NUP210: variants seen among roughly 807,000 people sequenced by gnomAD.
NUP210 encodes nuclear pore membrane glycoprotein 210.
Under a neutral mutation model 196.0 loss-of-function variants are expected in NUP210, and 151 were observed. The ratio of observed to expected loss-of-function variants is 0.77; its 90% CI spans 0.67 to 0.88. The LOEUF (loss-of-function observed/expected upper bound fraction) is 0.88. Ranked by LOEUF, NUP210 falls within the 40% of genes least tolerant of loss-of-function variation. The pLI is 0.00. For missense variants in NUP210, 2,314 were observed against 2,493.7 expected, an observed-to-expected ratio of 0.93 and a Z score of 1.53; for synonymous variants, 1,070 against 1,052.7, an observed-to-expected ratio of 1.02 and a Z score of -0.32.
At chr3:13,405,346 C>T (rs1236094144) in intron 1 of NUP210, among the ~76,000 whole-genome samples, 1 of 152,146 alleles carries the variant, frequency 6.6e-6, no homozygotes, top group Non-Finnish European at 1.5e-5. Flanking sequence ...GAAACATAGG[C>T]TCTTCTGGGT....
rs774930083 is a variant in NUP210, at chr3:13,321,849, G to A, written c.4916-14C>T. The A allele has an allele frequency of 3.1e-6, 5 of 1,599,982 alleles. No homozygotes were observed. The East Asian group carries it at 1.1e-4, about 36-fold the overall frequency. On this transcript the variant is annotated splice_polypyrimidine_tract_variant and intron_variant, in intron 35 of 39. Coordinates refer to ENST00000254508, the MANE Select transcript of NUP210 (RefSeq NM_024923.4). ...AGAAGTACTGGCCTGCGAAGACAAG[G>A]GTGTATTGTCTTGTCCCCTCTCCTG... is the stretch of plus-strand genomic sequence containing the variant.
At chr3:13,358,562 C>T (rs1698266850) in intron 15 of NUP210, among the ~76,000 whole-genome samples, 167 bp from the exon 16 acceptor site, 1 of 152,120 alleles carries the variant, frequency 6.6e-6, no homozygotes, top group Admixed American at 6.5e-5. Context: ...CAGTGGCACA[C>T]AGGTGGGAAT....
Position 13,378,831 on chromosome 3 carries a change from C to T in NUP210, c.1045+81G>A. 1.9e-6 allele frequency: 2 copies of T among 1,032,606 alleles called. 1 individual carries two copies. Among genetic ancestry groups the T allele is most frequent in the South Asian group, 2.6e-5 (2 of 78,046 alleles). 64.0% of individuals were successfully genotyped at this position (1,032,606 alleles called of 1,614,324 possible). On this transcript the variant is annotated intron_variant, in intron 8 of 39. Transcript: ENST00000254508. The stretch of plus-strand genomic sequence containing the variant: ...CCAGAGGGAAGCATTTTCTGTGGAG[C>T]TATTGCTTCTTTTCTATTTTTTAAA...
chr3:13,358,607 G>C (rs1480124465), intron 15 of NUP210, among the ~76,000 whole-genome samples: 3 of 152,156 alleles, frequency 2.0e-5, no homozygotes, highest in Non-Finnish European at 4.4e-5. Context: ...TCTCAGATGG[G>C]AGCCCATGTG....
chr3:13,338,047 C>A (rs1697298131), intron 25 of NUP210, 130 bp from the exon 26 acceptor site: 4 of 775,960 alleles, frequency 5.2e-6, no homozygotes, highest in Non-Finnish European at 6.2e-6. Context: ...GGATGACCAG[C>A]ACCATGCTCC....
intron 14 of NUP210, among the ~76,000 whole-genome samples, chr3:13,365,349 G>T (rs1263396402): frequency 1.3e-5 from 2 of 152,202 alleles, no homozygotes; most frequent in Admixed American, 1.3e-4. Context: ...GGGAATGTAA[G>T]GCCCAAGAGT....
At chr3:13,363,706 C>CT (rs1698441105) in intron 14 of NUP210, among the ~76,000 whole-genome samples, 4 of 152,202 alleles carry the variant, frequency 2.6e-5, no homozygotes, top group African/African-American at 9.7e-5. Flanking sequence ...CTGATCTTAC[C>CT]TGCTAACTAG....
At chr3:13,332,444 G>A (rs1174832553) in intron 28 of NUP210, 60 bp from the exon 29 acceptor site, 31 of 1,310,376 alleles carry the variant, frequency 2.4e-5, no homozygotes, top group Admixed American at 3.4e-5. Flanking sequence ...CAGGCCAGAT[G>A]TCTGCTTCTC....
chr3:13,318,654 A>G (rs983037920), intron 39 of NUP210, among the ~76,000 whole-genome samples: 2 of 152,024 alleles, frequency 1.3e-5, no homozygotes, highest in Admixed American at 1.3e-4. Flanking sequence ...GTCACCAGAG[A>G]GACAGTTAGA....
chr3:13,375,433 G>A (rs1268942957), intron 11 of NUP210, 71 bp downstream of exon 11: 12 of 1,439,076 alleles, frequency 8.3e-6, no homozygotes, highest in African/African-American at 7.1e-5. Context: ...AAAAGTAATA[G>A]AATGGACAAA....
intron 27 of NUP210, 28 bp from the exon 28 acceptor site, chr3:13,335,640 G>A: frequency 6.2e-7 from 1 of 1,611,590 alleles, no homozygotes; most frequent in Non-Finnish European, 8.5e-7. Context: ...ACGTTTTCAG[G>A]GGTAAGGCCC....
intron 29 of NUP210, among the ~76,000 whole-genome samples, chr3:13,331,784 C>A (rs1259290037): frequency 6.6e-6 from 1 of 152,140 alleles, no homozygotes; most frequent in Admixed American, 6.5e-5. Flanking sequence ...GAAAGGCATC[C>A]CCTTGGAATC....
chr3:13,355,741 T>C (rs1198999229), intron 16 of NUP210, among the ~76,000 whole-genome samples: 2 of 152,186 alleles, frequency 1.3e-5, no homozygotes, highest in Non-Finnish European at 2.9e-5. Context: ...GTCTCATCAT[T>C]ATTCATAATA....
In NUP210 at chr3:13,353,654, T is replaced by C. The variant is rs1277467333; in HGVS notation, c.2528A>G (p.Gln843Arg). 8 of 1,613,884 alleles carry C rather than the reference T, an allele frequency of 5.0e-6. No homozygotes were observed. The Admixed American group carries it at 1.3e-4, about 27-fold the overall frequency. ...ESGQKKLHGL[Q>R]AILVHEASGT... The stretch of plus-strand genomic sequence containing the variant: ...TGATGCCTCGTGAACCAAAATGGCC[T>C]GCAAACCTGAGACCAGGAAGAAGGA... The change falls in exon 18 of 40, where the codon CAG becomes CGG. Residue 843 changes from glutamine to arginine, a missense_variant. Coordinates refer to ENST00000254508, the MANE Select transcript of NUP210 (RefSeq NM_024923.4).
chr3:13,326,152 C>T (rs545817664), intron 32 of NUP210, among the ~76,000 whole-genome samples: 5 of 152,368 alleles, frequency 3.3e-5, no homozygotes, highest in East Asian at 1.9e-4. Context: ...CTGCTGCACC[C>T]GCCCTCTACA....
At chr3:13,395,387 G>T (rs756223622) in intron 3 of NUP210, among the ~76,000 whole-genome samples, 1 of 152,148 alleles carries the variant, frequency 6.6e-6, no homozygotes, top group Non-Finnish European at 1.5e-5. Context: ...GTGCCATCTC[G>T]GCTCACTGCA....
intron 16 of NUP210, chr3:13,354,613 CGGTGCCTCTAGGAT>C (rs1422952273): frequency 1.9e-5 from 3 of 157,698 alleles, no homozygotes; most frequent in African/African-American, 7.2e-5. Flanking sequence ...AGGCACATGT[CGGTGCCTCTAGGAT>C]GGCCCCACTA....
intron 10 of NUP210, 84 bp from the exon 11 acceptor site, chr3:13,375,725 C>A: frequency 6.9e-7 from 1 of 1,453,622 alleles, no homozygotes; most frequent in South Asian, 1.2e-5. Context: ...CCACCCCTCC[C>A]TGGGGATCGG....
At chr3:13,403,845 G>T (rs1367805360) in intron 1 of NUP210, among the ~76,000 whole-genome samples, 1 of 152,170 alleles carries the variant, frequency 6.6e-6, no homozygotes, top group African/African-American at 2.4e-5. Context: ...CCAGGGCCTG[G>T]GGCTTGATCC....
Sources: gnomAD v4.1 joint callset for allele counts (sites outside exome capture counted in the v4.1 genomes callset) on GRCh38, gnomAD v4.1.1 for gene constraint, MANE v1.5 for transcripts, NCBI Gene and HGNC (gene_info 2026-07-23, HGNC 2026-07-21) for gene names.